The following HSPG2 variants were observed in gnomAD, a reference collection of about 807,000 sequenced individuals.
HSPG2 encodes the protein basement membrane-specific heparan sulfate proteoglycan core protein.
In HSPG2, 278 loss-of-function variants were observed where a neutral mutation model predicts 526.6. The observed-to-expected ratio is 0.53, with a 90% CI of 0.48 to 0.58. The LOEUF (loss-of-function observed/expected upper bound fraction) is 0.58. Among genes scored for constraint, HSPG2 ranks in the 20% least tolerant of loss-of-function variants. HSPG2 has a pLI of 0.00. For missense variants in HSPG2, 5,354 were observed against 6,099.5 expected, an observed-to-expected ratio of 0.88 and a Z score of 4.07; for synonymous variants, 2,465 against 2,555.4, an observed-to-expected ratio of 0.96 and a Z score of 1.07.
At chr1:21,878,779 T>C in intron 18 of HSPG2, 116 bp from the exon 19 acceptor site, 1 of 1,218,362 alleles carries the variant, frequency 8.2e-7, no homozygotes, top group Non-Finnish European at 1.2e-6. Flanking sequence ...CATGACGCCA[T>C]CTCCCTGCCC....
intron 1 of HSPG2, among the ~76,000 whole-genome samples, chr1:21,927,214 GATGGGGAAAGAGGCCAA>G (rs140390867): frequency 0.025 from 3,803 of 152,272 alleles, 157 homozygotes; most frequent in African/African-American, 0.086. Flanking sequence ...ATGGGAGAAA[GATGGGGAAAGAGGCCAA>G]ATGTTACAAA....
intron 17 of HSPG2, 124 bp downstream of exon 17, chr1:21,879,983 G>A: frequency 8.6e-7 from 1 of 1,163,356 alleles, no homozygotes; most frequent in Non-Finnish European, 1.3e-6. Context: ...CAGAGGTCAT[G>A]ATAGTTCATC....
At chr1:21,830,840 A>C in intron 85 of HSPG2, 142 bp downstream of exon 85, 1 of 652,950 alleles carries the variant, frequency 1.5e-6, no homozygotes, top group Non-Finnish European at 2.8e-6. Context: ...GGGGATGGGT[A>C]CATGGGAGGA....
At position 21,823,671 on chromosome 1, in the gene HSPG2, G is replaced by A. The variant is rs754919077; in HGVS notation, c.12948C>T (p.Ser4316=). ...CCACGTTGGGACCTGGGGACCGGCC[G>A]CTGACCAGCTCCTCACCGTCGACTT... The part of the protein sequence containing the change: ...SIQVDGEELV[S]GRSPGPNVAV... The change falls in exon 96 of 97, where the codon AGC becomes AGT. Residue 4316 remains serine (S), a synonymous_variant. Transcript: ENST00000374695. 1.7e-5 allele frequency: 27 copies of A among 1,613,578 alleles called. No homozygotes were observed. The highest frequency in any genetic ancestry group is 1.9e-5 in the Non-Finnish European group (23 of 1,180,010).
chr1:21,851,673 C>A lies in HSPG2; in HGVS notation c.7031G>T (p.Arg2344Leu), dbSNP rs189021242. 1.2e-6 allele frequency: 2 copies of A among 1,613,922 alleles called. No individual in the cohort carries two copies. Among genetic ancestry groups the A allele is most frequent in the Admixed American group, 1.7e-5 (1 of 60,014 alleles). ...AYPAGSTQPIRIEPSSSQVAE... is the reference protein window; with the variant it reads ...AYPAGSTQPILIEPSSSQVAE... ...CACTTGCGAGGAGGAGGGCTCGATG[C>A]GGATGGGCTGGGTGCTGCCGGCAGC... The change falls in exon 55 of 97, where the codon CGC (arginine) becomes CTC (leucine). Residue 2344 changes from arginine (R) to leucine (L), a missense_variant. By Grantham distance (102) the Arg-to-Leu change is moderately radical. Transcript: ENST00000374695.
At position 21,847,336 on chromosome 1, in the gene HSPG2, T is replaced by C. The variant is rs1419498322; in HGVS notation, c.8164+18A>G. The stretch of plus-strand genomic sequence containing the variant: ...CACTGTTGCCTGCATCCCTCGTCCC[T>C]TTCCTAGGCAGACTCACCGGAGGGG... On this transcript the variant is annotated intron_variant, in intron 62 of 96. Coordinates refer to ENST00000374695, the MANE Select transcript of HSPG2 (RefSeq NM_005529.7). The surrounding 1 kb of genome is among the most constrained non-coding windows in gnomAD (Gnocchi z 4.1). 3.1e-6 allele frequency: 5 copies of C among 1,613,804 alleles called. No homozygotes were observed. The highest frequency in any genetic ancestry group is 1.3e-5 in the African/African-American group (1 of 75,058).
In HSPG2 at chr1:21,838,877, C is replaced by T; in HGVS notation, c.10098G>A (p.Arg3366=). 1 of 1,612,722 alleles carries T rather than the reference C, an allele frequency of 6.2e-7. No homozygotes were observed. Among genetic ancestry groups the T allele is most frequent in the Non-Finnish European group, 8.5e-7 (1 of 1,179,682 alleles). Residue 3366 remains arginine, a synonymous_variant, in exon 74 of 97, where the codon CGG becomes CGA. Coordinates refer to ENST00000374695, the MANE Select transcript of HSPG2 (RefSeq NM_005529.7). ...CGGCTGAGCCCACCTTGTTGGTGAC[C>T]CGGCAGCGGTAGCGGCCTGAGTCCT... ...APEDSGRYRC[R]VTNKVGSAEA...
At position 21,843,329 on chromosome 1, in the gene HSPG2, G is replaced by A; in HGVS notation, c.8726C>T (p.Thr2909Ile). ...GGGTCCTGGGCTGGAGGGCTCAATTGTGACCAGGACAGATGCCTCCAGGGT... is the reference window on the plus strand; with the variant it reads ...GGGTCCTGGGCTGGAGGGCTCAATTATGACCAGGACAGATGCCTCCAGGGT... ...SGTLEASVLVTIEPSSPGPIP... is the reference protein window; with the variant it reads ...SGTLEASVLVIIEPSSPGPIP... The change falls in exon 66 of 97, where the codon ACA becomes ATA. Residue 2909 changes from threonine to isoleucine, a missense_variant. Thr to Ile is a moderately conservative substitution (Grantham distance 89). Transcript: ENST00000374695. The A allele has an allele frequency of 1.9e-6, 3 of 1,614,118 alleles. No individual in the cohort carries two copies. Among genetic ancestry groups the A allele is most frequent in the Non-Finnish European group, 2.5e-6 (3 of 1,180,036 alleles).
At position 21,848,569 on chromosome 1, in the gene HSPG2, G is replaced by T; in HGVS notation, c.7737+74C>A. The stretch of plus-strand genomic sequence containing the variant: ...TGACTGAATGAGCACAGAGTGAGGT[G>T]CTGAGAGTCCCCCCTCTTCCCATTG... On this transcript the variant is annotated intron_variant, in intron 59 of 96. Coordinates refer to ENST00000374695, the MANE Select transcript of HSPG2 (RefSeq NM_005529.7). The surrounding 1 kb of genome is among the most constrained non-coding windows in gnomAD (Gnocchi z 4.9). The T allele has an allele frequency of 6.6e-7, 1 of 1,515,286 alleles. No individual in the cohort carries two copies. The highest frequency in any genetic ancestry group is 9.1e-7 in the Non-Finnish European group (1 of 1,093,258). The allele number at this position is 1,515,286 out of a possible 1,614,324, so 93.9% of individuals were successfully genotyped here. A position where few individuals can be genotyped will look rare whatever the true frequency, so the allele number is the denominator to read the frequency against.
chr1:21,874,297 A>C, intron 28 of HSPG2, 109 bp downstream of exon 28: 1 of 1,426,328 alleles, frequency 7.0e-7, no homozygotes, highest in Non-Finnish European at 9.7e-7. Context: ...GCAGGCAGTA[A>C]GGCCAGGATT....
At position 21,854,757 on chromosome 1, in the gene HSPG2, C is replaced by T. The variant is rs1417077413; in HGVS notation, c.6142G>A (p.Ala2048Thr). ...TCAATCTTGACCGGCGGTGGGCTGG[C>T]ATCTGAGGCTGGGGCCAGAGTAGGG... The part of the protein sequence containing the change: ...IQVVVLSASD[A>T]SPPPVKIESS... The change falls in exon 49 of 97, where the codon GCC becomes ACC. Residue 2048 changes from alanine to threonine, a missense_variant. By Grantham distance (58) the Ala-to-Thr change is moderately conservative. Transcript: ENST00000374695. 6.2e-7 allele frequency: 1 copy of T among 1,613,668 alleles called. No individual in the cohort carries two copies. Among genetic ancestry groups the T allele is most frequent in the Admixed American group, 1.7e-5 (1 of 59,972 alleles).
chr1:21,836,824 T>C lies in HSPG2; in HGVS notation c.10333A>G (p.Ser3445Gly), dbSNP rs1345199462. Residue 3445 changes from serine (S) to glycine (G), a missense_variant, in exon 75 of 97, where the codon AGC becomes GGC. Ser to Gly is a moderately conservative substitution (Grantham distance 56). Transcript: ENST00000374695. ...KEGGQLPPGHSVQDGVLRIQN... is the reference protein window; with the variant it reads ...KEGGQLPPGHGVQDGVLRIQN... ...CACCGGAGCACCCCATCCTGCACGC[T>C]GTGACCCGGAGGCAGCTGACCCCCT... The C allele has an allele frequency of 6.4e-7, 1 of 1,572,024 alleles. No homozygotes were observed. The highest frequency in any genetic ancestry group is 1.8e-5 in the Admixed American group (1 of 54,972).
chr1:21,831,594 A>G (rs2098004162), intron 82 of HSPG2, 32 bp from the exon 83 acceptor site: 1 of 1,613,774 alleles, frequency 6.2e-7, no homozygotes, highest in African/African-American at 1.3e-5. Context: ...GAATGGCAAC[A>G]GAGGCTGGGC....
At position 21,872,099 on chromosome 1, in the gene HSPG2, G is replaced by A; in HGVS notation, c.4221+87C>T. On this transcript the variant is annotated intron_variant, in intron 33 of 96. Transcript: ENST00000374695. The surrounding 1 kb of genome is among the most constrained non-coding windows in gnomAD (Gnocchi z 5.5). ...GCCTAACCACGATATGGCCATGCAGGTGGCAGGTGCCTGCCTGCTGAGAGA... is the reference window on the plus strand; with the variant it reads ...GCCTAACCACGATATGGCCATGCAGATGGCAGGTGCCTGCCTGCTGAGAGA... 1.4e-6 allele frequency: 2 copies of A among 1,408,494 alleles called. No individual in the cohort carries two copies. The highest frequency in any genetic ancestry group is 2.5e-5 in the South Asian group (2 of 80,648). 87.2% of individuals were successfully genotyped at this position (1,408,494 alleles called of 1,614,324 possible). A position where few individuals can be genotyped will look rare whatever the true frequency, so the allele number is the denominator to read the frequency against.
intron 76 of HSPG2, 62 bp from the exon 77 acceptor site, chr1:21,835,007 G>T: frequency 6.3e-7 from 1 of 1,576,046 alleles, no homozygotes; most frequent in Non-Finnish European, 8.6e-7. Flanking sequence ...CCCGAGGGAG[G>T]CCATAGACTG....
chr1:21,822,367 G>A lies in HSPG2; in HGVS notation c.*949C>T. The A allele has an allele frequency of 1.4e-6, 1 of 737,954 alleles. No homozygotes were observed. Among genetic ancestry groups the A allele is most frequent in the South Asian group, 1.6e-5 (1 of 62,640 alleles). The allele number at this position is 737,954 out of a possible 1,614,324, so 45.7% of individuals were successfully genotyped here. On this transcript the variant is annotated 3_prime_UTR_variant, in exon 97 of 97. Coordinates refer to ENST00000374695, the MANE Select transcript of HSPG2 (RefSeq NM_005529.7). The stretch of plus-strand genomic sequence containing the variant: ...GGGGGCCACTGGCAGGATGGCACTT[G>A]AGCTGGATCTTCAGGCTCCTGCAGA...
At chr1:21,920,539 C>T (rs773824405) in intron 1 of HSPG2, among the ~76,000 whole-genome samples, 5 of 152,206 alleles carry the variant, frequency 3.3e-5, no homozygotes, top group African/African-American at 4.8e-5. Flanking sequence ...CCCCCCACAT[C>T]GCCTTATAAA....
chr1:21,839,833 C>G lies in HSPG2; in HGVS notation c.9698G>C (p.Cys3233Ser). 6.2e-7 allele frequency: 1 copy of G among 1,613,572 alleles called. No homozygotes were observed. Reference protein sequence around the residue: ...VEAGHTATLRCSATGSPAPTI... With the variant: ...VEAGHTATLRSSATGSPAPTI... ...GCCCTTGGTCACACCTGTGGCTGAG[C>G]AGCGCAAGGTGGCCGTGTGTCCAGC... The change falls in exon 72 of 97, where the codon TGC becomes TCC. Residue 3233 changes from cysteine (C) to serine (S), a missense_variant. Physicochemically the swap from Cys to Ser is moderately radical, Grantham distance 112. Coordinates refer to ENST00000374695, the MANE Select transcript of HSPG2 (RefSeq NM_005529.7). This position sits in a 1 kb window ranked among gnomAD's most constrained non-coding sequence, Gnocchi z 4.5.
chr1:21,823,705 C>T lies in HSPG2; in HGVS notation c.12914G>A (p.Gly4305Asp). The T allele has an allele frequency of 6.2e-7, 1 of 1,613,452 alleles. No homozygotes were observed. Among genetic ancestry groups the T allele is most frequent in the Non-Finnish European group, 8.5e-7 (1 of 1,179,924 alleles). Residue 4305 changes from glycine (G) to aspartate (D), a missense_variant, in exon 96 of 97, where the codon GGT (glycine) becomes GAT (aspartate). Coordinates refer to ENST00000374695, the MANE Select transcript of HSPG2 (RefSeq NM_005529.7). ...CTCCTCACCGTCGACTTGGATGGAA[C>T]CTCTGCGGCCCTCCCTGCAGTGGAA... ...RVTALREGRR[G>D]SIQVDGEELV...
Sources: gnomAD v4.1 joint callset for allele counts (sites outside exome capture counted in the v4.1 genomes callset) on GRCh38, gnomAD v4.1.1 for gene constraint, Gnocchi (gnomAD v3.1) non-coding constraint, MANE v1.5 for transcripts, NCBI Gene and HGNC (gene_info 2026-07-23, HGNC 2026-07-21) for gene names.